LSAMP: variants seen among roughly 807,000 people sequenced by gnomAD.
LSAMP encodes the protein limbic system-associated membrane protein.
In LSAMP, 7 loss-of-function variants were observed where a neutral mutation model predicts 38.6. That is an observed-to-expected ratio of 0.18 (90% CI 0.10 to 0.34). The LOEUF (loss-of-function observed/expected upper bound fraction) is 0.34, where lower values mean the gene tolerates loss of function less well. LSAMP is among the 10% of genes least tolerant of loss of function. The probability of loss-of-function intolerance (pLI) is 1.00; values close to 1 mark genes in which losing one functional copy is unlikely to be tolerated. For missense variants in LSAMP, 313 were observed against 420.0 expected (o/e 0.75, Z 2.23); for synonymous variants, 154 against 166.8 (o/e 0.92, Z 0.59).
chr3:116,393,715 T>G (rs2048732298), intron 1 of LSAMP, among the ~76,000 whole-genome samples: 2 of 152,238 alleles, frequency 1.3e-5, no homozygotes. Context: ...TTTTTAGGGA[T>G]GTCCAATCTA....
chr3:116,323,791 T>C (rs924142558), intron 1 of LSAMP, among the ~76,000 whole-genome samples: 6 of 152,154 alleles, frequency 3.9e-5, no homozygotes, highest in African/African-American at 1.4e-4. Context: ...TCCTACTTTC[T>C]GAGCACAGAC....
intron 3 of LSAMP, among the ~76,000 whole-genome samples, chr3:115,855,338 A>G (rs367873951): frequency 2.0e-5 from 3 of 152,346 alleles, no homozygotes; most frequent in South Asian, 4.1e-4. Context: ...ACATACCAAT[A>G]TAAGTATTAG....
At chr3:116,354,591 A>G (rs952723064) in intron 1 of LSAMP, among the ~76,000 whole-genome samples, 1 of 152,280 alleles carries the variant, frequency 6.6e-6, no homozygotes, top group African/African-American at 2.4e-5. Context: ...GATGAAGGAG[A>G]TCCTTCAAGT....
At chr3:116,394,889 T>C (rs1260014599) in intron 1 of LSAMP, among the ~76,000 whole-genome samples, 2 of 152,222 alleles carry the variant, frequency 1.3e-5, no homozygotes, top group Non-Finnish European at 2.9e-5. Context: ...TGGCTGTCGA[T>C]ACATAGTTGC....
At chr3:116,168,326 C>G (rs1710111089) in intron 1 of LSAMP, among the ~76,000 whole-genome samples, 1 of 151,968 alleles carries the variant, frequency 6.6e-6, no homozygotes, top group Non-Finnish European at 1.5e-5. Flanking sequence ...ACTATAGCTG[C>G]ATTTCCTGAG....
At chr3:115,944,258 T>A (rs1388039255) in intron 3 of LSAMP, among the ~76,000 whole-genome samples, 2 of 152,148 alleles carry the variant, frequency 1.3e-5, no homozygotes, top group African/African-American at 2.4e-5. Flanking sequence ...TTAGCTCTCA[T>A]TGAAAGTAAG....
intron 1 of LSAMP, among the ~76,000 whole-genome samples, chr3:116,226,646 G>C (rs1164986786): frequency 1.3e-5 from 2 of 152,192 alleles, no homozygotes; most frequent in Non-Finnish European, 2.9e-5. Flanking sequence ...TTACATATTA[G>C]GTAGTTGAAC....
intron 1 of LSAMP, among the ~76,000 whole-genome samples, chr3:116,293,333 A>G (rs547508226): frequency 2.6e-5 from 4 of 152,236 alleles, no homozygotes; most frequent in African/African-American, 9.6e-5. Flanking sequence ...CCTGAAACCT[A>G]AAAACTTTGC....
intron 1 of LSAMP, among the ~76,000 whole-genome samples, chr3:116,353,483 G>T (rs1467000085): frequency 6.6e-6 from 1 of 152,010 alleles, no homozygotes; most frequent in Admixed American, 6.6e-5. Flanking sequence ...TGCACTTCTT[G>T]AAGACAGAGA....
At chr3:115,999,990 T>TG (rs1321884164) in intron 3 of LSAMP, among the ~76,000 whole-genome samples, 2 of 152,040 alleles carry the variant, frequency 1.3e-5, no homozygotes, top group African/African-American at 4.8e-5. Context: ...GGGGTATGTG[T>TG]GGTGTGTGTG....
At position 115,841,868 on chromosome 3, in the gene LSAMP, G is replaced by A; in HGVS notation, c.896C>T (p.Thr299Ile). ...TCVAANKLGV[T>I]NASLVLFRPG... ...ACTGAAAAGGACTAGGCTGGCATTG[G>A]TGACCCCCAGCTTGTTGGCAGCCAC... The change falls in exon 6 of 7, where the codon ACC becomes ATC. Residue 299 changes from threonine (T) to isoleucine (I), a missense_variant. Coordinates refer to ENST00000490035, the MANE Select transcript of LSAMP (RefSeq NM_002338.5). 1 of 1,613,230 alleles carries A rather than the reference G, an allele frequency of 6.2e-7. No homozygotes were observed. The highest frequency in any genetic ancestry group is 8.5e-7 in the Non-Finnish European group (1 of 1,179,728).
At chr3:116,342,684 C>T (rs1325968583) in intron 1 of LSAMP, among the ~76,000 whole-genome samples, 1 of 151,926 alleles carries the variant, frequency 6.6e-6, no homozygotes, top group African/African-American at 2.4e-5. Flanking sequence ...ATTGAATGGG[C>T]TCAATTTAAT....
intron 1 of LSAMP, among the ~76,000 whole-genome samples, chr3:116,428,259 A>G (rs1007090773): frequency 7.9e-5 from 12 of 152,090 alleles, no homozygotes; most frequent in African/African-American, 2.7e-4. Context: ...AGAGATCAAG[A>G]CCATCCTGGC....
At position 116,209,918 on chromosome 3, in the gene LSAMP, AT is replaced by A. The variant is rs71779594; in HGVS notation, c.156-123363del. 4.4e-3 allele frequency among the ~76,000 whole-genome samples: 671 copies of A among 150,916 alleles called. 7 individuals carry two copies. Among genetic ancestry groups the A allele is most frequent in the African/African-American group, 0.015 (625 of 41,144 alleles). On this transcript the variant is annotated intron_variant, in intron 1 of 6. Coordinates refer to ENST00000490035, the MANE Select transcript of LSAMP (RefSeq NM_002338.5). ...GGCATCCGCCACCTCGCCCGGCAAA[AT>A]TTTTTTTTGTATATTTAGTAGAGAC... is the stretch of plus-strand genomic sequence containing the variant.
At chr3:116,067,674 G>T (rs1015365201) in intron 2 of LSAMP, among the ~76,000 whole-genome samples, 2 of 152,102 alleles carry the variant, frequency 1.3e-5, no homozygotes, top group Non-Finnish European at 2.9e-5. Flanking sequence ...CTCCGTTAAA[G>T]AACATTATTT....
chr3:116,403,867 T>C (rs2048871208), intron 1 of LSAMP, among the ~76,000 whole-genome samples: 1 of 151,838 alleles, frequency 6.6e-6, no homozygotes, highest in Non-Finnish European at 1.5e-5. Context: ...CCTCCAACCT[T>C]AGCCTTCTGA....
At chr3:115,982,747 T>G (rs1939398765) in intron 3 of LSAMP, among the ~76,000 whole-genome samples, 1 of 152,126 alleles carries the variant, frequency 6.6e-6, no homozygotes, top group African/African-American at 2.4e-5. Context: ...TCTTTCTCTT[T>G]TTATCTCCAT....
intron 1 of LSAMP, among the ~76,000 whole-genome samples, chr3:116,442,995 A>T (rs1448600810): frequency 6.6e-6 from 1 of 152,238 alleles, no homozygotes; most frequent in Non-Finnish European, 1.5e-5. Flanking sequence ...CTGTAGTTTA[A>T]GGTATAGGAG....
In LSAMP at chr3:115,943,532, A is replaced by C. The variant is rs114528790; in HGVS notation, c.514+75983T>G. Among the ~76,000 whole-genome samples the C allele has an allele frequency of 7.9e-3, 1,201 of 152,294 alleles. 20 individuals carry two copies. The highest frequency in any genetic ancestry group is 0.028 in the African/African-American group (1,158 of 41,574). ...TCCTATAATCAGGGAGACCATGAGCACATGCCTGACAGGCTATCTGTTCTC... is the reference window on the plus strand; with the variant it reads ...TCCTATAATCAGGGAGACCATGAGCCCATGCCTGACAGGCTATCTGTTCTC... On this transcript the variant is annotated intron_variant, in intron 3 of 6. Coordinates refer to ENST00000490035, the MANE Select transcript of LSAMP (RefSeq NM_002338.5).
Sources: gnomAD v4.1 joint callset for allele counts (sites outside exome capture counted in the v4.1 genomes callset) on GRCh38, gnomAD v4.1.1 for gene constraint, MANE v1.5 for transcripts, NCBI Gene and HGNC (gene_info 2026-07-23, HGNC 2026-07-21) for gene names.